Variants in VPS53 observed in about 807,000 individuals in gnomAD.
The protein encoded by VPS53 is VPS53 subunit of GARP complex, also known as vacuolar protein sorting-associated protein 53 homolog.
A neutral mutation model predicts 107.0 loss-of-function variants in VPS53; 70 were observed. That is an observed-to-expected ratio of 0.65 (90% CI 0.54 to 0.80). The LOEUF is 0.80. VPS53 is among the 30% of genes least tolerant of loss of function. The pLI, the probability that VPS53 is intolerant of heterozygous loss-of-function variation, is 0.00. For missense variants in VPS53, 917 were observed against 1,049.4 expected (o/e 0.87, Z 1.74); for synonymous variants, 409 against 393.3 (o/e 1.04, Z -0.47).
At chr17:550,124 A>C in intron 17 of VPS53, among the ~76,000 whole-genome samples, 1 of 152,168 alleles carries the variant, frequency 6.6e-6, no homozygotes, top group East Asian at 1.9e-4. Context: ...TCATCCTCAC[A>C]GCAATGCTGG....
intron 19 of VPS53, 135 bp downstream of exon 19, chr17:532,707 G>A: frequency 7.0e-7 from 1 of 1,438,830 alleles, no homozygotes; most frequent in East Asian, 2.5e-5. Context: ...AACCTTCCGG[G>A]TGAGTCATTA....
At chr17:647,788 T>G (rs993316589) in intron 7 of VPS53, among the ~76,000 whole-genome samples, 2 of 151,972 alleles carry the variant, frequency 1.3e-5, no homozygotes, top group African/African-American at 2.4e-5. Context: ...TCAGAAATAA[T>G]AAAAAGATTT....
chr17:602,868 G>A (rs1251956279), intron 11 of VPS53, among the ~76,000 whole-genome samples: 2 of 152,202 alleles, frequency 1.3e-5, no homozygotes, highest in Non-Finnish European at 2.9e-5. Context: ...GAAGGCTTTA[G>A]CAGAAAGGAG....
intron 17 of VPS53, among the ~76,000 whole-genome samples, chr17:549,088 C>T (rs540286504): frequency 6.6e-6 from 1 of 152,272 alleles, no homozygotes; most frequent in East Asian, 1.9e-4. Flanking sequence ...ACACCTTAGC[C>T]AAGGGTTTAT....
chr17:548,566 A>G (rs867851471), intron 17 of VPS53, among the ~76,000 whole-genome samples: 76 of 105,704 alleles, frequency 7.2e-4, no homozygotes, highest in South Asian at 2.4e-3. Context: ...TGGCCAGCCA[A>G]CAGTCCTTCT....
chr17:592,462 G>A (rs1212034992), intron 12 of VPS53, among the ~76,000 whole-genome samples: 1 of 152,172 alleles, frequency 6.6e-6, no homozygotes, highest in Non-Finnish European at 1.5e-5. Flanking sequence ...TTGCTCGTTA[G>A]TTGATGCAGT....
intron 17 of VPS53, among the ~76,000 whole-genome samples, chr17:549,646 A>C (rs1911634129): frequency 1.3e-5 from 2 of 152,044 alleles, no homozygotes. Context: ...CTGCATTCCG[A>C]TCTGAAGTGT....
chr17:600,664 A>T (rs192784761), intron 12 of VPS53, among the ~76,000 whole-genome samples: 13 of 152,234 alleles, frequency 8.5e-5, no homozygotes, highest in African/African-American at 3.1e-4. Context: ...GAGTCCATCA[A>T]CAAAATAGCA....
intron 4 of VPS53, among the ~76,000 whole-genome samples, chr17:662,504 A>G (rs1353356870): frequency 2.0e-5 from 3 of 151,988 alleles, no homozygotes; most frequent in South Asian, 4.2e-4. Flanking sequence ...CCTGGCTAAC[A>G]CGGTGAAACC....
intron 4 of VPS53, among the ~76,000 whole-genome samples, chr17:680,861 T>G (rs1972363697): frequency 6.6e-6 from 1 of 152,218 alleles, no homozygotes; most frequent in Admixed American, 6.5e-5. Flanking sequence ...ATTCCCACTC[T>G]TAGCTGATCC....
At chr17:521,504 C>T (rs1908741797) in intron 20 of VPS53, 97 bp downstream of exon 20, 2 of 1,280,156 alleles carry the variant, frequency 1.6e-6, no homozygotes, top group African/African-American at 1.5e-5. Flanking sequence ...TGCTTTGAGG[C>T]CGGTGAGGAT....
At position 531,438 on chromosome 17, in the gene VPS53, G is replaced by A. The variant is rs542840816; in HGVS notation, c.2085+1404C>T. On this transcript the variant is annotated intron_variant, in intron 19 of 21. Transcript: ENST00000437048. ...AATAACAATAATGGATGTAAGCACT[G>A]GATGAACTGATATTTTTCTGAAGAT... Among the ~76,000 whole-genome samples, 7 of 152,266 alleles carry A rather than the reference G, an allele frequency of 4.6e-5. No individual in the cohort carries two copies. In the South Asian group the frequency reaches 1.5e-3, roughly 32 times the overall value.
In VPS53 at chr17:655,301, G is replaced by A. The variant is rs148280650; in HGVS notation, c.488+537C>T. Among the ~76,000 whole-genome samples, 13 of 30,002 alleles carry A rather than the reference G, an allele frequency of 4.3e-4. No homozygotes were observed. In the East Asian group the frequency reaches 8.5e-3, roughly 20 times the overall value. The allele number at this position is 30,002 out of a possible 152,430, so 19.7% of individuals were successfully genotyped here. On this transcript the variant is annotated intron_variant, in intron 6 of 21. Coordinates refer to ENST00000437048, the MANE Select transcript of VPS53 (RefSeq NM_001128159.3). ...GTATCATTCCCTCTACAAGCCAAAC[G>A]GAAATCTACTTTATAAAAAAAAGTG...
intron 16 of VPS53, among the ~76,000 whole-genome samples, chr17:552,349 TC>T (rs1781445127): frequency 6.6e-6 from 1 of 151,960 alleles, no homozygotes; most frequent in Admixed American, 6.6e-5. Context: ...GAATTTTGAT[TC>T]TTCGTCAATA....
chr17:645,624 G>C (rs574336905), intron 7 of VPS53, among the ~76,000 whole-genome samples: 1 of 152,180 alleles, frequency 6.6e-6, no homozygotes, highest in Non-Finnish European at 1.5e-5. Flanking sequence ...TCTTCTAAGA[G>C]TTTTAGAATT....
chr17:548,023 A>G (rs1911379283), intron 17 of VPS53, among the ~76,000 whole-genome samples: 2 of 152,222 alleles, frequency 1.3e-5, no homozygotes, highest in South Asian at 2.1e-4. Flanking sequence ...CTCCTTGGGC[A>G]GACGATAGCA....
At chr17:578,277 A>G (rs943477504) in intron 13 of VPS53, among the ~76,000 whole-genome samples, 1 of 151,720 alleles carries the variant, frequency 6.6e-6, no homozygotes, top group Admixed American at 6.6e-5. Context: ...GCGTTCCCAG[A>G]GAAATTCTCT....
At chr17:550,924 CAGA>C (rs928248870) in intron 17 of VPS53, among the ~76,000 whole-genome samples, 1 of 151,898 alleles carries the variant, frequency 6.6e-6, no homozygotes, top group African/African-American at 2.4e-5. Flanking sequence ...CACCAGAGCT[CAGA>C]AGGAGTTGGA....
intron 2 of VPS53, among the ~76,000 whole-genome samples, chr17:703,933 T>C (rs1424503514): frequency 6.6e-6 from 1 of 152,118 alleles, no homozygotes; most frequent in African/African-American, 2.4e-5. Context: ...TCCACCCGCC[T>C]TGGTCTCCCA....
Sources: gnomAD v4.1 joint callset for allele counts (sites outside exome capture counted in the v4.1 genomes callset) on GRCh38, gnomAD v4.1.1 for gene constraint, MANE v1.5 for transcripts, NCBI Gene and HGNC (gene_info 2026-07-23, HGNC 2026-07-21) for gene names.